XRN1: variants seen among roughly 807,000 people sequenced by gnomAD.
XRN1 encodes 5'-3' exoribonuclease 1, also known as strand-exchange protein 1 homolog.
XRN1 carries 67 observed loss-of-function variants against 222.3 expected under a neutral mutation model. The ratio of observed to expected loss-of-function variants is 0.30; its 90% confidence interval spans 0.25 to 0.37. The LOEUF is 0.37. Among genes scored for constraint, XRN1 ranks in the 10% least tolerant of loss-of-function variants. The pLI, the probability that XRN1 is intolerant of heterozygous loss-of-function variation, is 1.00. For missense variants in XRN1, 1,707 were observed against 2,000.2 expected (o/e 0.85, Z 2.80); for synonymous variants, 643 against 652.4 (o/e 0.99, Z 0.22).
At chr3:142,315,783 G>C (rs951066797) in intron 39 of XRN1, among the ~76,000 whole-genome samples, 3 of 151,996 alleles carry the variant, frequency 2.0e-5, no homozygotes, top group Non-Finnish European at 4.4e-5. Context: ...CCAAACTGCT[G>C]GGATTACAAG....
At chr3:142,329,109 A>C (rs1003889025) in intron 37 of XRN1, among the ~76,000 whole-genome samples, 2 of 151,910 alleles carry the variant, frequency 1.3e-5, no homozygotes, top group African/African-American at 4.8e-5. Context: ...TAAGTAAACA[A>C]AATCTCTTTG....
Position 142,312,619 on chromosome 3 carries a change from G to A in XRN1, c.4761C>T (p.His1587=). The change falls in exon 40 of 41, where the codon CAC becomes CAT. Residue 1587 remains histidine (H), a synonymous_variant. Transcript: ENST00000392981. ...PMAGGIPGGV[H]NQFIPLQVTK... is the part of the protein sequence containing the mutation. Reference sequence around the variant, plus strand: ...TTACCTGCAGAGGTATAAACTGATTGTGCACACCCCCTGGTATTCCCCCAG... The same window carrying A: ...TTACCTGCAGAGGTATAAACTGATTATGCACACCCCCTGGTATTCCCCCAG... The A allele has an allele frequency of 6.2e-7, 1 of 1,611,594 alleles. No homozygotes were observed. The highest frequency in any genetic ancestry group is 8.5e-7 in the Non-Finnish European group (1 of 1,178,766).
intron 20 of XRN1, among the ~76,000 whole-genome samples, chr3:142,385,827 A>T (rs2067480094): frequency 6.6e-6 from 1 of 151,900 alleles, no homozygotes; most frequent in Non-Finnish European, 1.5e-5. Context: ...CCTAAGGTTG[A>T]TCATTTAGCT....
intron 15 of XRN1, 56 bp from the exon 16 acceptor site, chr3:142,405,132 C>G: frequency 6.5e-7 from 1 of 1,543,636 alleles, no homozygotes; most frequent in Non-Finnish European, 8.9e-7. Context: ...ATAATCTCAA[C>G]AAACAGAATA....
chr3:142,394,153 C>T (rs1239921506), intron 20 of XRN1, among the ~76,000 whole-genome samples: 1 of 152,092 alleles, frequency 6.6e-6, no homozygotes, highest in African/African-American at 2.4e-5. Flanking sequence ...CTATTACTGT[C>T]TACTTTCTTC....
chr3:142,326,772 G>GTT (rs1316364080), intron 37 of XRN1, among the ~76,000 whole-genome samples: 4 of 151,884 alleles, frequency 2.6e-5, no homozygotes, highest in African/African-American at 9.7e-5. Flanking sequence ...GTTTGTTGTT[G>GTT]TTTATTATGT....
chr3:142,327,994 G>A (rs2065568742), intron 37 of XRN1, among the ~76,000 whole-genome samples: 1 of 152,068 alleles, frequency 6.6e-6, no homozygotes, highest in African/African-American at 2.4e-5. Context: ...AAAAGACATG[G>A]TTTCATTCTT....
At chr3:142,438,617 G>A (rs1278144321) in intron 1 of XRN1, among the ~76,000 whole-genome samples, 1 of 152,096 alleles carries the variant, frequency 6.6e-6, no homozygotes, top group Non-Finnish European at 1.5e-5. Context: ...GATGTATTCT[G>A]GAGAATGGGA....
chr3:142,317,126 T>A (rs2065232645), intron 39 of XRN1, among the ~76,000 whole-genome samples: 1 of 152,224 alleles, frequency 6.6e-6, no homozygotes, highest in Non-Finnish European at 1.5e-5. Context: ...CTGAATCTCT[T>A]AGGACCACCT....
In XRN1 at chr3:142,312,606, G is replaced by T; in HGVS notation, c.4774C>A (p.Pro1592Thr). Residue 1592 changes from proline to threonine, a missense_variant, in exon 40 of 41, where the codon CCT becomes ACT. Transcript: ENST00000392981. ...AATATTATTTTTCTTACCTGCAGAGGTATAAACTGATTGTGCACACCCCCT... is the reference window on the plus strand; with the variant it reads ...AATATTATTTTTCTTACCTGCAGAGTTATAAACTGATTGTGCACACCCCCT... ...IPGGVHNQFI[P>T]LQVTKKRVAN... 6.2e-7 allele frequency: 1 copy of T among 1,606,086 alleles called. No homozygotes were observed. Among genetic ancestry groups the T allele is most frequent in the Non-Finnish European group, 8.5e-7 (1 of 1,176,398 alleles).
chr3:142,354,591 T>C (rs1397202948), intron 32 of XRN1, among the ~76,000 whole-genome samples: 1 of 152,224 alleles, frequency 6.6e-6, no homozygotes, highest in Non-Finnish European at 1.5e-5. Context: ...TGAATCTTAC[T>C]CTGTCGCCCA....
At chr3:142,344,205 AT>A (rs1233671501) in intron 33 of XRN1, among the ~76,000 whole-genome samples, 2 of 152,152 alleles carry the variant, frequency 1.3e-5, no homozygotes, top group African/African-American at 4.8e-5. Context: ...ATAATTGTAT[AT>A]TTTTAAATAA....
intron 22 of XRN1, among the ~76,000 whole-genome samples, chr3:142,382,050 C>T (rs561424348): frequency 1.2e-4 from 19 of 152,326 alleles, no homozygotes; most frequent in African/African-American, 4.6e-4. Flanking sequence ...AAGGGTATTA[C>T]ATCTGGAGGT....
intron 13 of XRN1, 75 bp from the exon 14 acceptor site, chr3:142,414,366 C>T (rs938513897): frequency 5.3e-5 from 59 of 1,104,322 alleles, no homozygotes; most frequent in African/African-American, 4.2e-4. Context: ...TACTTTTCCC[C>T]ATATTTTAAC....
intron 1 of XRN1, among the ~76,000 whole-genome samples, chr3:142,437,828 G>A (rs562402460): frequency 3.3e-5 from 5 of 152,240 alleles, no homozygotes; most frequent in South Asian, 2.1e-4. Context: ...AATATACAAC[G>A]AGCTCAAACA....
intron 32 of XRN1, among the ~76,000 whole-genome samples, chr3:142,351,905 TAAAA>T (rs36045093): frequency 7.3e-6 from 1 of 137,226 alleles, no homozygotes; most frequent in Non-Finnish European, 1.6e-5. Flanking sequence ...TTTTTTAAGT[TAAAA>T]AAAAAAAAAA....
At chr3:142,376,652 A>G in intron 23 of XRN1, 58 bp from the exon 24 acceptor site, 2 of 1,242,096 alleles carry the variant, frequency 1.6e-6, no homozygotes, top group South Asian at 2.6e-5. Context: ...ATTAAATGTT[A>G]TTTCTTTACC....
intron 35 of XRN1, 85 bp from the exon 36 acceptor site, chr3:142,332,619 T>C: frequency 7.9e-7 from 1 of 1,264,598 alleles, no homozygotes; most frequent in Non-Finnish European, 1.1e-6. Flanking sequence ...TGATCTTTCT[T>C]GGAAAGAATT....
intron 29 of XRN1, among the ~76,000 whole-genome samples, chr3:142,361,540 C>G (rs920486078): frequency 1.9e-4 from 29 of 152,184 alleles, no homozygotes; most frequent in African/African-American, 6.5e-4. Context: ...GTGGTTTTAT[C>G]TTTTACATTA....
Sources: allele counts gnomAD v4.1 joint callset (sites outside exome capture counted in the v4.1 genomes callset), GRCh38; gene constraint gnomAD v4.1.1; transcripts MANE v1.5; gene names NCBI Gene and HGNC (gene_info 2026-07-23, HGNC 2026-07-21).